The following PTPRD variants were observed in gnomAD, a reference collection of about 807,000 sequenced individuals.
PTPRD encodes receptor-type tyrosine-protein phosphatase delta.
A neutral mutation model predicts 214.5 loss-of-function variants in PTPRD; 34 were observed. That is an observed-to-expected ratio of 0.16 (90% CI 0.12 to 0.21). PTPRD has a LOEUF of 0.21. Ranked by LOEUF, PTPRD falls within the 10% of genes least tolerant of loss-of-function variation. The pLI is 1.00. For synonymous variants in PTPRD, 1,128 were observed against 845.7 expected, an observed-to-expected ratio of 1.33 and a Z score of -5.79; for missense variants, 2,545 against 2,398.7, an observed-to-expected ratio of 1.06 and a Z score of -1.27.
chr9:10,120,222 T>C (rs554368917), intron 3 of PTPRD, among the ~76,000 whole-genome samples: 7 of 152,068 alleles, frequency 4.6e-5, no homozygotes, highest in Non-Finnish European at 1.0e-4. Flanking sequence ...TTATTTCATA[T>C]AATTTTTCCC....
intron 8 of PTPRD, among the ~76,000 whole-genome samples, chr9:9,533,958 G>C (rs1328405519): frequency 6.6e-6 from 1 of 151,908 alleles, no homozygotes; most frequent in East Asian, 1.9e-4. Context: ...ATAATTATAT[G>C]ATGTGTCAAG....
chr9:10,282,521 C>T (rs996259739), intron 3 of PTPRD, among the ~76,000 whole-genome samples: 5 of 152,154 alleles, frequency 3.3e-5, no homozygotes, highest in African/African-American at 1.2e-4. Context: ...TAAACTGCTG[C>T]TCTAAGAAAT....
chr9:9,068,991 A>C (rs867754693), intron 10 of PTPRD, among the ~76,000 whole-genome samples: 1 of 152,212 alleles, frequency 6.6e-6, no homozygotes, highest in Non-Finnish European at 1.5e-5. Context: ...CATTGTCTTC[A>C]ATTCTGTAGT....
intron 9 of PTPRD, among the ~76,000 whole-genome samples, chr9:9,379,718 T>G (rs139515507): frequency 0.016 from 2,468 of 152,104 alleles, 83 homozygotes; most frequent in African/African-American, 0.056. Context: ...TTTGTTATAG[T>G]TTTGTAGTTT....
At chr9:9,100,081 T>C (rs1175643666) in intron 10 of PTPRD, among the ~76,000 whole-genome samples, 2 of 152,178 alleles carry the variant, frequency 1.3e-5, no homozygotes, top group Admixed American at 6.5e-5. Context: ...ATTAAAAGAA[T>C]ATAAAAATTC....
intron 14 of PTPRD, among the ~76,000 whole-genome samples, chr9:8,571,027 C>T (rs978163868): frequency 6.6e-6 from 1 of 151,992 alleles, no homozygotes; most frequent in Admixed American, 6.6e-5. Context: ...AAGCACCAAG[C>T]TCTCACATGG....
chr9:8,790,189 T>A (rs920118500), intron 11 of PTPRD, among the ~76,000 whole-genome samples: 1 of 151,848 alleles, frequency 6.6e-6, no homozygotes, highest in African/African-American at 2.4e-5. Context: ...ATATTTTTTT[T>A]ATTTTTTGTA....
chr9:8,425,614 AAT>A (rs2094608831), intron 35 of PTPRD, among the ~76,000 whole-genome samples: 2 of 152,162 alleles, frequency 1.3e-5, no homozygotes, highest in Non-Finnish European at 2.9e-5. Context: ...GACTCTCGTC[AAT>A]ATTGTCCCAC....
intron 9 of PTPRD, among the ~76,000 whole-genome samples, chr9:9,376,891 T>C (rs941227205): frequency 2.0e-5 from 3 of 151,972 alleles, no homozygotes; most frequent in African/African-American, 4.8e-5. Context: ...TAATCCCATC[T>C]TAATAGACAC....
Position 8,579,654 on chromosome 9 carries a change from A to G in PTPRD, c.353-50875T>C, listed in dbSNP as rs539839429. 2.0e-5 allele frequency among the ~76,000 whole-genome samples: 3 copies of G among 152,372 alleles called. No individual in the cohort carries two copies. The South Asian group carries it at 6.2e-4, about 32-fold the overall frequency. ...TTTTAATGGAATAAGAGACATTTAC[A>G]TAAAGGTATTATCAAATCAAAGTAG... On this transcript the variant is annotated intron_variant, in intron 14 of 45. Coordinates refer to ENST00000381196, the MANE Select transcript of PTPRD (RefSeq NM_002839.4).
intron 5 of PTPRD, among the ~76,000 whole-genome samples, chr9:9,825,731 T>G (rs918720261): frequency 2.0e-5 from 3 of 151,920 alleles, no homozygotes; most frequent in African/African-American, 7.2e-5. Context: ...TTTCTGAATA[T>G]AACCTTTTTG....
At chr9:10,362,615 C>G (rs1366409333) in intron 2 of PTPRD, among the ~76,000 whole-genome samples, 1 of 152,128 alleles carries the variant, frequency 6.6e-6, no homozygotes, top group African/African-American at 2.4e-5. Flanking sequence ...GGCGTGGTGG[C>G]TCACGCCTGG....
intron 11 of PTPRD, among the ~76,000 whole-genome samples, chr9:8,934,619 T>G (rs2098983901): frequency 2.1e-5 from 3 of 145,490 alleles, no homozygotes. Context: ...TCACATAGTT[T>G]GTGGTGAGAA....
chr9:8,774,911 T>C (rs2095408240), intron 11 of PTPRD, among the ~76,000 whole-genome samples: 1 of 152,160 alleles, frequency 6.6e-6, no homozygotes, highest in African/African-American at 2.4e-5. Context: ...GATACTTCAT[T>C]ATATGGTGCC....
intron 7 of PTPRD, among the ~76,000 whole-genome samples, chr9:9,691,746 T>A (rs1224739503): frequency 1.3e-5 from 2 of 152,068 alleles, no homozygotes; most frequent in Non-Finnish European, 2.9e-5. Context: ...CCACCAATAG[T>A]ATACAAGGCT....
At chr9:10,458,931 G>A (rs952509491) in intron 2 of PTPRD, among the ~76,000 whole-genome samples, 30 of 151,856 alleles carry the variant, frequency 2.0e-4, no homozygotes, top group African/African-American at 7.0e-4. Context: ...TTAAGTCCTG[G>A]GGTATATGTG....
At chr9:8,482,492 T>C (rs571586379) in intron 30 of PTPRD, among the ~76,000 whole-genome samples, 2 of 152,168 alleles carry the variant, frequency 1.3e-5, no homozygotes, top group African/African-American at 4.8e-5. Flanking sequence ...GCCTCTCTGC[T>C]TGACCTTCAA....
chr9:8,394,687 C>T (rs1500332), intron 36 of PTPRD, among the ~76,000 whole-genome samples: 2 of 152,034 alleles, frequency 1.3e-5, no homozygotes, highest in East Asian at 1.9e-4. Context: ...TGGACTCAGA[C>T]ATCTCTGTGA....
chr9:10,093,774 T>C (rs2098456126), intron 3 of PTPRD, among the ~76,000 whole-genome samples: 1 of 151,474 alleles, frequency 6.6e-6, no homozygotes, highest in South Asian at 2.1e-4. Flanking sequence ...AACAAAATCG[T>C]GTCCTTTGCA....
Sources: gnomAD v4.1 joint callset for allele counts (sites outside exome capture counted in the v4.1 genomes callset) on GRCh38, gnomAD v4.1.1 for gene constraint, MANE v1.5 for transcripts, NCBI Gene and HGNC (gene_info 2026-07-23, HGNC 2026-07-21) for gene names.